Variants in ADGRV1 observed in about 807,000 individuals in gnomAD.
The protein encoded by ADGRV1 is G-protein coupled receptor 98.
In ADGRV1, 359 loss-of-function variants were observed where a neutral mutation model predicts 596.2. The observed-to-expected ratio is 0.60, with a 90% confidence interval of 0.55 to 0.66. The LOEUF is 0.66. ADGRV1 is among the 30% of genes least tolerant of loss of function. The pLI is 0.00. For synonymous variants in ADGRV1, 2,681 were observed against 2,679.2 expected (o/e 1.00, Z -0.02); for missense variants, 7,274 against 7,575.6 (o/e 0.96, Z 1.48).
chr5:90,713,147 T>A (rs1032700531), intron 42 of ADGRV1, among the ~76,000 whole-genome samples: 2 of 152,142 alleles, frequency 1.3e-5, no homozygotes, highest in African/African-American at 4.8e-5. Flanking sequence ...CCTGTTTTAG[T>A]CAGTGGCTGA....
intron 36 of ADGRV1, 64 bp from the exon 37 acceptor site, chr5:90,705,336 C>G (rs1748451172): frequency 2.3e-6 from 3 of 1,330,638 alleles, no homozygotes; most frequent in Non-Finnish European, 3.2e-6. Flanking sequence ...GAGAGTGAGG[C>G]TATGTTTCCA....
chr5:91,125,839 T>C (rs570813098), intron 87 of ADGRV1, among the ~76,000 whole-genome samples: 1 of 152,330 alleles, frequency 6.6e-6, no homozygotes, highest in Non-Finnish European at 1.5e-5. Flanking sequence ...ACACATGCAG[T>C]GATTATGTTC....
chr5:90,641,688 T>C (rs560318535), intron 11 of ADGRV1, among the ~76,000 whole-genome samples: 41 of 152,318 alleles, frequency 2.7e-4, no homozygotes, highest in African/African-American at 7.0e-4. Context: ...GAGCTTTTTT[T>C]CTACATATTT....
intron 26 of ADGRV1, among the ~76,000 whole-genome samples, chr5:90,680,862 A>G (rs142742275): frequency 1.4e-3 from 210 of 152,322 alleles, no homozygotes; most frequent in African/African-American, 4.5e-3. Flanking sequence ...GTATCATCAC[A>G]TGATGAAAAA....
At chr5:90,640,849 A>G (rs1394894502) in intron 11 of ADGRV1, 5 of 152,462 alleles carry the variant, frequency 3.3e-5, no homozygotes, top group African/African-American at 1.2e-4. Flanking sequence ...AGAAACTGAA[A>G]GGTTTGTCGT....
chr5:90,794,039 G>A (rs538237208), intron 70 of ADGRV1, among the ~76,000 whole-genome samples: 2 of 152,126 alleles, frequency 1.3e-5, no homozygotes, highest in East Asian at 1.9e-4. Context: ...CCTCTCACCC[G>A]GTATATAACC....
chr5:90,818,295 C>T (rs1763114400), intron 75 of ADGRV1, among the ~76,000 whole-genome samples: 1 of 151,502 alleles, frequency 6.6e-6, no homozygotes, highest in Non-Finnish European at 1.5e-5. Flanking sequence ...AGTTGCTTAC[C>T]AGCTTAAGGA....
chr5:90,569,385 ATATTTTTTTTTTTT>A (rs1394607977), intron 1 of ADGRV1, among the ~76,000 whole-genome samples: 3 of 16,492 alleles, frequency 1.8e-4, no homozygotes, highest in African/African-American at 8.3e-4. Flanking sequence ...ATATATATAT[ATATTTTTTTTTTTT>A]TTTTTTTTTT....
chr5:90,647,870 T>G, intron 17 of ADGRV1, 106 bp downstream of exon 17: 1 of 972,314 alleles, frequency 1.0e-6, no homozygotes, highest in Non-Finnish European at 1.5e-6. Context: ...TAACTACATT[T>G]GTACTATTCA....
intron 87 of ADGRV1, among the ~76,000 whole-genome samples, chr5:91,120,399 C>T (rs140865175): frequency 3.7e-4 from 56 of 152,302 alleles, no homozygotes; most frequent in African/African-American, 1.2e-3. Flanking sequence ...CACAAACTGT[C>T]GGCAGGCAGT....
At chr5:90,787,194 CA>C (rs1250782371) in intron 67 of ADGRV1, among the ~76,000 whole-genome samples, 1 of 152,118 alleles carries the variant, frequency 6.6e-6, no homozygotes, top group African/African-American at 2.4e-5. Context: ...GATTAAGAAG[CA>C]AAAACAAGTG....
chr5:91,093,847 GTAAGT>G (rs1174476858), intron 86 of ADGRV1, among the ~76,000 whole-genome samples: 8 of 143,160 alleles, frequency 5.6e-5, no homozygotes, highest in African/African-American at 2.0e-4. Flanking sequence ...GTATACATAC[GTAAGT>G]TTTTTTTTTT....
intron 83 of ADGRV1, among the ~76,000 whole-genome samples, chr5:90,904,496 C>G (rs1018810482): frequency 6.6e-6 from 1 of 152,080 alleles, no homozygotes; most frequent in Admixed American, 6.6e-5. Flanking sequence ...TTTTGATTTG[C>G]ATTTCTCTGG....
chr5:90,645,305 G>A (rs1188632939), intron 15 of ADGRV1, among the ~76,000 whole-genome samples: 2 of 152,180 alleles, frequency 1.3e-5, no homozygotes, highest in African/African-American at 2.4e-5. Context: ...CCTTTCCTAG[G>A]AGAGTGACAC....
intron 83 of ADGRV1, among the ~76,000 whole-genome samples, chr5:90,915,197 A>AT (rs1240845096): frequency 1.3e-5 from 2 of 152,220 alleles, no homozygotes; most frequent in Admixed American, 1.3e-4. Flanking sequence ...AAAAGTAATC[A>AT]TAGAAAAGGT....
chr5:90,622,573 A>G lies in ADGRV1; in HGVS notation c.454-24A>G, dbSNP rs758259022. The G allele has an allele frequency of 1.1e-5, 13 of 1,204,454 alleles. No homozygotes were observed. In the African/African-American group the frequency reaches 1.9e-4, roughly 18 times the overall value. The allele number at this position is 1,204,454 out of a possible 1,614,324, so 74.6% of individuals were successfully genotyped here. On this transcript the variant is annotated intron_variant, in intron 4 of 89. Coordinates refer to ENST00000405460, the MANE Select transcript of ADGRV1 (RefSeq NM_032119.4). ...ACCTCTGATTGCTCAGCTCCTGATCATCTGTGCTTGCTTTCCTCAATAGCT... is the reference window on the plus strand; with the variant it reads ...ACCTCTGATTGCTCAGCTCCTGATCGTCTGTGCTTGCTTTCCTCAATAGCT...
intron 83 of ADGRV1, among the ~76,000 whole-genome samples, chr5:90,905,581 T>G (rs1457714926): frequency 2.0e-5 from 3 of 152,182 alleles, no homozygotes. Flanking sequence ...ATGATGATTT[T>G]GTACCCTTCA....
chr5:91,049,463 A>G (rs543906202), intron 85 of ADGRV1, among the ~76,000 whole-genome samples: 1 of 152,358 alleles, frequency 6.6e-6, no homozygotes, highest in African/African-American at 2.4e-5. Flanking sequence ...AAAACTTTCC[A>G]TATGGTGATC....
intron 59 of ADGRV1, among the ~76,000 whole-genome samples, chr5:90,766,566 T>C (rs1757169764): frequency 6.6e-6 from 1 of 152,166 alleles, no homozygotes; most frequent in Non-Finnish European, 1.5e-5. Flanking sequence ...ATCAAAAAAC[T>C]GAAACACAAT....
Sources: gnomAD v4.1 joint callset for allele counts (sites outside exome capture counted in the v4.1 genomes callset) on GRCh38, gnomAD v4.1.1 for gene constraint, MANE v1.5 for transcripts, NCBI Gene and HGNC (gene_info 2026-07-23, HGNC 2026-07-21) for gene names.